The following CXADR variants were observed in gnomAD, a reference collection of about 807,000 sequenced individuals.
CXADR encodes the protein coxsackievirus and adenovirus receptor.
Under a neutral mutation model 40.3 loss-of-function variants are expected in CXADR, and 20 were observed. The observed-to-expected ratio is 0.50, with a 90% CI of 0.35 to 0.72. The LOEUF is 0.72. Among genes scored for constraint, CXADR ranks in the 30% least tolerant of loss-of-function variants. CXADR has a pLI of 0.01. For missense variants in CXADR, 332 were observed against 449.1 expected (o/e 0.74, Z 2.36); for synonymous variants, 150 against 161.3 (o/e 0.93, Z 0.53).
chr21:17,513,159 G>A lies in CXADR; in HGVS notation c.30G>A (p.Leu10=). 1 of 1,366,550 alleles carries A rather than the reference G, an allele frequency of 7.3e-7. No individual in the cohort carries two copies. The allele number at this position is 1,366,550 out of a possible 1,614,324, so 84.7% of individuals were successfully genotyped here. A position where few individuals can be genotyped will look rare whatever the true frequency, so the allele number is the denominator to read the frequency against. Residue 10 remains leucine (L), a synonymous_variant, in exon 1 of 7, where the codon CTG becomes CTA. Coordinates refer to ENST00000284878, the MANE Select transcript of CXADR (RefSeq NM_001338.5). ...CGCTCCTGCTGTGCTTCGTGCTCCT[G>A]TGCGGAGTAGTGGGTGAGTAGGGGC... is the stretch of plus-strand genomic sequence containing the variant. The part of the protein sequence containing the change: MALLLCFVL[L]CGVVDFARSL...
At position 17,565,733 on chromosome 21, in the gene CXADR, C is replaced by T. The variant is rs772386664; in HGVS notation, c.*41C>T. The T allele has an allele frequency of 6.3e-7, 1 of 1,577,146 alleles. No individual in the cohort carries two copies. Among genetic ancestry groups the T allele is most frequent in the Non-Finnish European group, 8.6e-7 (1 of 1,162,608 alleles). On this transcript the variant is annotated 3_prime_UTR_variant, in exon 7 of 7. Transcript: ENST00000284878. The stretch of plus-strand genomic sequence containing the variant: ...CATCTGTGCTCTCCGTGTTCCTTTC[C>T]TTTTTTTGATATATGAAAACCTATT...
intron 3 of CXADR, among the ~76,000 whole-genome samples, chr21:17,558,692 C>CT (rs1309789800): frequency 2.6e-5 from 4 of 152,126 alleles, no homozygotes; most frequent in Non-Finnish European, 5.9e-5. Context: ...ATCATTCTTG[C>CT]TTTTTTTCAG....
chr21:17,584,048 G>GTGTGTA (rs1230636560), intron 7 of CXADR, among the ~76,000 whole-genome samples: 1 of 152,196 alleles, frequency 6.6e-6, no homozygotes, highest in Non-Finnish European at 1.5e-5. Context: ...GTGTGTTTGT[G>GTGTGTA]TGTGTATGTG....
chr21:17,598,605 T>C, the CXADR span: 2 of 1,612,076 alleles, frequency 1.2e-6, no homozygotes, highest in Non-Finnish European at 1.7e-6. Flanking sequence ...ACTGAGCTGT[T>C]TTCATGGTTA....
chr21:17,615,335 A>G, the CXADR span, among the ~76,000 whole-genome samples: 3 of 152,280 alleles, frequency 2.0e-5, no homozygotes, highest in South Asian at 6.2e-4. Context: ...AGTCTATAGT[A>G]TTCTGTTATA....
At position 17,513,105 on chromosome 21, in the gene CXADR, C is replaced by G; in HGVS notation, c.-25C>G. ...GGAGCGAGAGCCGCCTACCTGCAGCCGCCGCCCACGGCACGGCAGCCACCA... is the reference window on the plus strand; with the variant it reads ...GGAGCGAGAGCCGCCTACCTGCAGCGGCCGCCCACGGCACGGCAGCCACCA... On this transcript the variant is annotated 5_prime_UTR_variant, in exon 1 of 7. Transcript: ENST00000284878. 7.4e-7 allele frequency: 1 copy of G among 1,346,012 alleles called. No individual in the cohort carries two copies. The highest frequency in any genetic ancestry group is 9.6e-7 in the Non-Finnish European group (1 of 1,046,108). The allele number at this position is 1,346,012 out of a possible 1,614,324, so 83.4% of individuals were successfully genotyped here.
chr21:17,634,449 C>T, the CXADR span, among the ~76,000 whole-genome samples: 4 of 152,218 alleles, frequency 2.6e-5, no homozygotes, highest in Non-Finnish European at 4.4e-5. Context: ...ATTATGAGCC[C>T]AGTAGTTTTC....
chr21:17,613,439 C>G, the CXADR span: 21 of 152,308 alleles, frequency 1.4e-4, no homozygotes, highest in African/African-American at 4.8e-4. Context: ...GTCAATTACA[C>G]GCACGTTAAC....
intron 1 of CXADR, chr21:17,518,619 G>A (rs997855690): frequency 2.7e-5 from 42 of 1,557,448 alleles, no homozygotes; most frequent in Non-Finnish European, 3.5e-5. Flanking sequence ...CTGCTTTACT[G>A]TCCAAGACTT....
chr21:17,550,155 G>A (rs2060947314), intron 2 of CXADR, among the ~76,000 whole-genome samples: 1 of 152,100 alleles, frequency 6.6e-6, no homozygotes, highest in South Asian at 2.1e-4. Context: ...AGGAGTTCGA[G>A]ACCAACCAGG....
rs117375200 is a variant in CXADR, at chr21:17,553,494, A to T, written c.415+1541A>T. Among the ~76,000 whole-genome samples, 12 of 152,322 alleles carry T rather than the reference A, an allele frequency of 7.9e-5. No homozygotes were observed. In the East Asian group the frequency reaches 2.3e-3, roughly 29 times the overall value. On this transcript the variant is annotated intron_variant, in intron 3 of 6. Transcript: ENST00000284878. ...AAGTCAATCTAAAAAAGGAACCAGG[A>T]AAAGGAATATGGTAATGTTGGAAAT...
intron 1 of CXADR, among the ~76,000 whole-genome samples, chr21:17,531,710 C>G (rs186680750): frequency 2.2e-4 from 34 of 151,976 alleles, no homozygotes; most frequent in Admixed American, 1.8e-3. Flanking sequence ...CAAATTCTTG[C>G]AATTTCTTGT....
At chr21:17,530,723 A>G (rs1324379805) in intron 1 of CXADR, among the ~76,000 whole-genome samples, 3 of 152,150 alleles carry the variant, frequency 2.0e-5, no homozygotes, top group Non-Finnish European at 4.4e-5. Flanking sequence ...CTGAGGCAGG[A>G]GAATCACTTG....
In CXADR at chr21:17,533,712, A is replaced by G. The variant is rs536509657; in HGVS notation, c.44-13315A>G. Among the ~76,000 whole-genome samples, 23 of 152,144 alleles carry G rather than the reference A, an allele frequency of 1.5e-4. 1 individual carries two copies. The South Asian group carries it at 2.9e-3, about 19-fold the overall frequency. ...AACTGTTTAGTTGCTGTTTATTGTTAAGGTGATGGTTTCCCCATTTCTATT... is the reference window on the plus strand; with the variant it reads ...AACTGTTTAGTTGCTGTTTATTGTTGAGGTGATGGTTTCCCCATTTCTATT... On this transcript the variant is annotated intron_variant, in intron 1 of 6. Coordinates refer to ENST00000284878, the MANE Select transcript of CXADR (RefSeq NM_001338.5).
chr21:17,521,464 A>G (rs142473569), intron 1 of CXADR, among the ~76,000 whole-genome samples: 4,402 of 152,256 alleles, frequency 0.029, 227 homozygotes, highest in African/African-American at 0.1. Flanking sequence ...CTGGGAATAC[A>G]GGTGCCCGCC....
At chr21:17,585,999 T>A (rs2061393101) in intron 7 of CXADR, among the ~76,000 whole-genome samples, 1 of 152,180 alleles carries the variant, frequency 6.6e-6, no homozygotes, top group African/African-American at 2.4e-5. Flanking sequence ...ACACTTTTCC[T>A]GTAGAAGCTA....
chr21:17,616,631 G>T, the CXADR span, among the ~76,000 whole-genome samples: 2 of 152,030 alleles, frequency 1.3e-5, no homozygotes, highest in Non-Finnish European at 2.9e-5. Context: ...TATGTTAGTT[G>T]CATTAGCTAT....
chr21:17,515,693 T>C (rs2060452487), intron 1 of CXADR, among the ~76,000 whole-genome samples: 1 of 151,816 alleles, frequency 6.6e-6, no homozygotes, highest in Non-Finnish European at 1.5e-5. Flanking sequence ...GCGCCTGTAG[T>C]ACCAGCTGAG....
intron 7 of CXADR, among the ~76,000 whole-genome samples, chr21:17,586,387 T>C (rs1039916014): frequency 7.2e-6 from 1 of 138,074 alleles, no homozygotes; most frequent in Non-Finnish European, 1.6e-5. Context: ...TGTGTGTATA[T>C]ATATATATAA....
Sources: gnomAD v4.1 joint callset for allele counts (sites outside exome capture counted in the v4.1 genomes callset) on GRCh38, gnomAD v4.1.1 for gene constraint, MANE v1.5 for transcripts, NCBI Gene and HGNC (gene_info 2026-07-23, HGNC 2026-07-21) for gene names.